Variants in VPS53 observed in about 807,000 individuals in gnomAD.
VPS53 encodes the protein VPS53 subunit of GARP complex, also known as vacuolar protein sorting-associated protein 53 homolog.
VPS53 carries 70 observed loss-of-function variants against 107.0 expected under a neutral mutation model. The observed-to-expected ratio is 0.65, with a 90% confidence interval of 0.54 to 0.80. The LOEUF is 0.80. Among genes scored for constraint, VPS53 ranks in the 30% least tolerant of loss-of-function variants. The pLI is 0.00. For synonymous variants in VPS53, 409 were observed against 393.3 expected (o/e 1.04, Z -0.47); for missense variants, 917 against 1,049.4 (o/e 0.87, Z 1.74).
chr17:553,526 A>G (rs1912058750), intron 15 of VPS53, 64 bp from the exon 16 acceptor site: 2 of 1,252,604 alleles, frequency 1.6e-6, no homozygotes, highest in Non-Finnish European at 1.1e-6. Flanking sequence ...CCATCACAAT[A>G]ATAGTTAACA....
At chr17:619,280 A>AC (rs1464058330) in intron 11 of VPS53, among the ~76,000 whole-genome samples, 9 of 113,386 alleles carry the variant, frequency 7.9e-5, no homozygotes, top group East Asian at 2.9e-4. Context: ...GCACCACCAC[A>AC]CCTGCTAATA....
At chr17:675,876 C>T (rs1972140373) in intron 4 of VPS53, among the ~76,000 whole-genome samples, 1 of 151,854 alleles carries the variant, frequency 6.6e-6, no homozygotes, top group African/African-American at 2.4e-5. Flanking sequence ...ACATTTTTGC[C>T]TAACATCCAT....
intron 15 of VPS53, among the ~76,000 whole-genome samples, chr17:560,114 T>C (rs1049562747): frequency 4.6e-5 from 7 of 152,266 alleles, no homozygotes; most frequent in Non-Finnish European, 1.0e-4. Context: ...AGCTTGTTAC[T>C]GCTTTTCTCA....
In VPS53 at chr17:654,537, G is replaced by A. The variant is rs562587076; in HGVS notation, c.489-1127C>T. On this transcript the variant is annotated intron_variant, in intron 6 of 21. Transcript: ENST00000437048. ...GCAGATCACAAGGTCAGGAGATCGA[G>A]ACCATCCTGGCTAACACGGCGAAAC... Among the ~76,000 whole-genome samples the A allele has an allele frequency of 1.1e-4, 16 of 152,126 alleles. No individual in the cohort carries two copies. In the South Asian group the frequency reaches 3.3e-3, roughly 32 times the overall value.
chr17:509,320 T>A lies in VPS53; in HGVS notation c.*9808A>T, dbSNP rs1010504826. Reference sequence around the variant, plus strand: ...TGGCTGACCCCTCACTAGGTACATATCGAATCCTGGCTCACCCCTCACTAG... The same window carrying A: ...TGGCTGACCCCTCACTAGGTACATAACGAATCCTGGCTCACCCCTCACTAG... On this transcript the variant is annotated 3_prime_UTR_variant, in exon 22 of 22. Transcript: ENST00000437048. The A allele has an allele frequency of 1.4e-5, 2 of 147,844 alleles. No homozygotes were observed. The highest frequency in any genetic ancestry group is 7.1e-5 in the Admixed American group (1 of 14,012). 9.2% of individuals were successfully genotyped at this position (147,844 alleles called of 1,614,324 possible).
At chr17:579,748 A>AGTGC (rs1966888856) in intron 13 of VPS53, among the ~76,000 whole-genome samples, 13 of 119,624 alleles carry the variant, frequency 1.1e-4, no homozygotes, top group South Asian at 6.2e-4. Flanking sequence ...CTCAGAACCT[A>AGTGC]ATTCCTTCCC....
intron 6 of VPS53, among the ~76,000 whole-genome samples, chr17:654,565 C>T (rs1422476276): frequency 2.6e-5 from 4 of 151,700 alleles, no homozygotes; most frequent in Admixed American, 6.6e-5. Flanking sequence ...GGCGAAACCC[C>T]GTCTCTACTA....
chr17:597,235 C>T (rs897230411), intron 12 of VPS53, among the ~76,000 whole-genome samples: 2 of 152,208 alleles, frequency 1.3e-5, no homozygotes, highest in Admixed American at 1.3e-4. Flanking sequence ...TGACTGCAGC[C>T]ATGAAATGGG....
At chr17:671,397 C>G (rs1030998634) in intron 4 of VPS53, among the ~76,000 whole-genome samples, 2 of 151,890 alleles carry the variant, frequency 1.3e-5, no homozygotes, top group Middle Eastern at 3.2e-3. Context: ...AGGGAGGGAG[C>G]AACATGCTGT....
chr17:627,485 C>T (rs983061218), intron 9 of VPS53, among the ~76,000 whole-genome samples, 169 bp from the exon 10 acceptor site: 5 of 152,096 alleles, frequency 3.3e-5, no homozygotes, highest in Non-Finnish European at 7.4e-5. Context: ...CTTAAAAATT[C>T]AGAGGTTTTT....
intron 4 of VPS53, among the ~76,000 whole-genome samples, chr17:662,869 GGAAC>G (rs758009699): frequency 0.037 from 3,442 of 94,044 alleles, 239 homozygotes; most frequent in Middle Eastern, 0.089. Context: ...AAGGAAGGAA[GGAAC>G]GAAGGAAGGA....
chr17:592,530 G>T (rs191526165), intron 12 of VPS53, among the ~76,000 whole-genome samples: 1 of 152,016 alleles, frequency 6.6e-6, no homozygotes, highest in Non-Finnish European at 1.5e-5. Context: ...GGCTGGTACC[G>T]GTTGTTCCTT....
chr17:601,868 G>A lies in VPS53; in HGVS notation c.1145C>T (p.Thr382Ile). ...LKKLESPPPS[T>I]NPFLEDEPTP... ...TGGCTCATCTTCCAGGAAGGGATTG[G>A]TAGATGGGGGTGGAGACTCAAGCTT... is the stretch of plus-strand genomic sequence containing the variant. Residue 382 changes from threonine to isoleucine, a missense_variant, in exon 12 of 22, where the codon ACC becomes ATC. Coordinates refer to ENST00000437048, the MANE Select transcript of VPS53 (RefSeq NM_001128159.3). The A allele has an allele frequency of 6.3e-7, 1 of 1,596,266 alleles. No individual in the cohort carries two copies. Among genetic ancestry groups the A allele is most frequent in the Non-Finnish European group, 8.5e-7 (1 of 1,170,618 alleles).
intron 7 of VPS53, among the ~76,000 whole-genome samples, chr17:641,375 C>T (rs550129331): frequency 6.6e-5 from 10 of 152,362 alleles, no homozygotes; most frequent in African/African-American, 2.4e-4. Flanking sequence ...TTCCTTTAAA[C>T]TCCTTCCTCT....
intron 13 of VPS53, among the ~76,000 whole-genome samples, chr17:573,095 T>C (rs977631437): frequency 2.0e-5 from 3 of 152,218 alleles, no homozygotes; most frequent in Admixed American, 1.3e-4. Context: ...TGCTAGGCTC[T>C]AGAAAAGCAT....
chr17:657,282 T>C (rs933064090), intron 5 of VPS53: 2 of 840,670 alleles, frequency 2.4e-6, no homozygotes, highest in African/African-American at 3.4e-5. Context: ...CAGATGGAAA[T>C]TCTCTCCTGT....
At chr17:680,655 G>A (rs767943775) in intron 4 of VPS53, among the ~76,000 whole-genome samples, 1 of 151,800 alleles carries the variant, frequency 6.6e-6, no homozygotes, top group Non-Finnish European at 1.5e-5. Context: ...CAAAAGAATC[G>A]GGAAACAAGA....
intron 17 of VPS53, chr17:540,358 A>T (rs557887324): frequency 3.3e-5 from 5 of 152,074 alleles, no homozygotes; most frequent in Non-Finnish European, 7.4e-5. Flanking sequence ...TAATTAAAAA[A>T]ATATATTTTT....
At chr17:575,551 C>G (rs145082587) in intron 13 of VPS53, among the ~76,000 whole-genome samples, 1 of 151,422 alleles carries the variant, frequency 6.6e-6, no homozygotes, top group African/African-American at 2.4e-5. Context: ...CCCAGAGAAT[C>G]TCCCTCAGAA....
Sources: allele counts gnomAD v4.1 joint callset (sites outside exome capture counted in the v4.1 genomes callset), GRCh38; gene constraint gnomAD v4.1.1; transcripts MANE v1.5; gene names NCBI Gene and HGNC (gene_info 2026-07-23, HGNC 2026-07-21).